CEP170: variants seen among roughly 807,000 people sequenced by gnomAD.
CEP170 encodes the protein centrosomal protein of 170 kDa.
A neutral mutation model predicts 151.9 loss-of-function variants in CEP170; 21 were observed. The observed-to-expected ratio is 0.14, with a 90% CI of 0.10 to 0.20. CEP170 has a LOEUF of 0.20. CEP170 is among the 10% of genes least tolerant of loss of function. CEP170 has a pLI of 1.00. For synonymous variants in CEP170, 356 were observed against 648.8 expected (o/e 0.55, Z 6.86); for missense variants, 964 against 1,892.9 (o/e 0.51, Z 9.11).
At chr1:243,225,983 C>CTATA (rs199652735) in intron 1 of CEP170, among the ~76,000 whole-genome samples, 63 of 142,586 alleles carry the variant, frequency 4.4e-4, no homozygotes, top group Admixed American at 8.9e-4. Context: ...ATCTATCTAT[C>CTATA]TATATATATA....
intron 12 of CEP170, among the ~76,000 whole-genome samples, chr1:243,166,741 T>C (rs1190250320): frequency 6.6e-6 from 1 of 152,120 alleles, no homozygotes; most frequent in Admixed American, 6.6e-5. Flanking sequence ...TTCATATATT[T>C]AATTTTCTAT....
In CEP170 at chr1:243,172,709, A is replaced by G. The variant is rs2058945401; in HGVS notation, c.1704T>C (p.Phe568=). Residue 568 remains phenylalanine, a synonymous_variant, in exon 11 of 20, where the codon TTT becomes TTC. Transcript: ENST00000366542. The stretch of plus-strand genomic sequence containing the variant: ...AAGAGATGTATACCTCTGAGTGGTG[A>G]AATCCAGATGTAGTCAGTGGTTTTC... The part of the protein sequence containing the change: ...EERKPLTTSG[F]HHSEEGTSSS... 1.1e-5 allele frequency: 17 copies of G among 1,592,684 alleles called. No homozygotes were observed. The highest frequency in any genetic ancestry group is 1.3e-5 in the Non-Finnish European group (15 of 1,169,882).
chr1:243,231,447 G>A (rs1378816408), intron 1 of CEP170, among the ~76,000 whole-genome samples: 2 of 152,010 alleles, frequency 1.3e-5, no homozygotes, highest in Non-Finnish European at 2.9e-5. Flanking sequence ...CATATGGTTT[G>A]TAACTTCTGT....
intron 15 of CEP170, among the ~76,000 whole-genome samples, chr1:243,141,610 C>A (rs866164952): frequency 1.3e-5 from 2 of 152,298 alleles, no homozygotes; most frequent in African/African-American, 2.4e-5. Context: ...CAAATCAAAG[C>A]AGCCAACATG....
In CEP170 at chr1:243,164,896, A is replaced by G. The variant is rs780237106; in HGVS notation, c.3064T>C (p.Leu1022=). ...SGRIRQPSVD[L]TDDDQTSSVP... is the part of the protein sequence containing the mutation. ...CTAGAGGTTTGGTCATCATCTGTTA[A>G]GTCTACTGAGGGCTGTCTTATTCTC... is the stretch of plus-strand genomic sequence containing the variant. The change falls in exon 13 of 20, where the codon TTA becomes CTA. Residue 1022 remains leucine, a synonymous_variant. Coordinates refer to ENST00000366542, the MANE Select transcript of CEP170 (RefSeq NM_014812.3). The G allele has an allele frequency of 3.1e-6, 5 of 1,613,848 alleles. No homozygotes were observed. The highest frequency in any genetic ancestry group is 1.1e-5 in the South Asian group (1 of 91,078).
chr1:243,194,442 T>A (rs1378430500), intron 7 of CEP170, among the ~76,000 whole-genome samples: 2 of 151,946 alleles, frequency 1.3e-5, no homozygotes, highest in African/African-American at 4.8e-5. Flanking sequence ...TAAATTATAC[T>A]GAAACTTCTC....
chr1:243,197,243 A>G (rs1301778867), intron 7 of CEP170, among the ~76,000 whole-genome samples: 1 of 152,054 alleles, frequency 6.6e-6, no homozygotes, highest in Non-Finnish European at 1.5e-5. Context: ...GGAAGGGAAC[A>G]CTCAAAATTT....
chr1:243,236,000 C>T (rs1236963774), intron 1 of CEP170, among the ~76,000 whole-genome samples: 1 of 152,192 alleles, frequency 6.6e-6, no homozygotes, highest in Non-Finnish European at 1.5e-5. Flanking sequence ...GTACTACCCT[C>T]ATTAAAGCAT....
rs558989822 is a variant in CEP170 at position 243,185,632 on chromosome 1, T to C, written c.1566+147A>G. The C allele has an allele frequency of 4.6e-6, 5 of 1,077,502 alleles. No homozygotes were observed. The East Asian group carries it at 1.2e-4, about 26-fold the overall frequency. The allele number at this position is 1,077,502 out of a possible 1,614,324, so 66.7% of individuals were successfully genotyped here. A position where few individuals can be genotyped will look rare whatever the true frequency, so the allele number is the denominator to read the frequency against. On this transcript the variant is annotated intron_variant, in intron 10 of 19. Transcript: ENST00000366542. The surrounding 1 kb of genome is among the most constrained non-coding windows in gnomAD (Gnocchi z 4.9). ...AAATCACAAAGCATGTTGGTCTTAC[T>C]GTTAAGTCTTGCAGTTCCCTAACAA...
At chr1:243,127,230 G>A (rs1409576244) in intron 19 of CEP170, among the ~76,000 whole-genome samples, 1 of 152,076 alleles carries the variant, frequency 6.6e-6, no homozygotes, top group Non-Finnish European at 1.5e-5. Context: ...AGAGTGCTAG[G>A]GTTATCAGCT....
chr1:243,236,088 T>G (rs193285234), intron 1 of CEP170, among the ~76,000 whole-genome samples: 101 of 152,372 alleles, frequency 6.6e-4, no homozygotes, highest in African/African-American at 2.3e-3. Context: ...TGCCAGTAAC[T>G]GTGCTAATTG....
intron 15 of CEP170, among the ~76,000 whole-genome samples, chr1:243,141,835 T>C (rs2055869318): frequency 6.6e-6 from 1 of 152,246 alleles, no homozygotes; most frequent in Admixed American, 6.5e-5. Flanking sequence ...TTTTTCAAAA[T>C]ATCTTTATGT....
intron 1 of CEP170, among the ~76,000 whole-genome samples, chr1:243,249,252 C>T (rs2065709309): frequency 6.6e-6 from 1 of 151,746 alleles, no homozygotes; most frequent in South Asian, 2.1e-4. Flanking sequence ...ATAGTGAGAC[C>T]TCATCTCTAC....
chr1:243,224,662 T>C (rs183314405), intron 2 of CEP170, among the ~76,000 whole-genome samples: 2 of 152,324 alleles, frequency 1.3e-5, no homozygotes, highest in East Asian at 3.9e-4. Context: ...AGGATCCATT[T>C]TACTTGGAGT....
At chr1:243,143,296 T>C (rs1180469363) in intron 14 of CEP170, among the ~76,000 whole-genome samples, 1 of 152,148 alleles carries the variant, frequency 6.6e-6, no homozygotes, top group Non-Finnish European at 1.5e-5. Context: ...TCTTTTGAGG[T>C]AGGATTCATC....
chr1:243,133,931 CTAATT>C (rs1369542890), intron 17 of CEP170, among the ~76,000 whole-genome samples: 1 of 152,162 alleles, frequency 6.6e-6, no homozygotes, highest in Non-Finnish European at 1.5e-5. Flanking sequence ...CAGCATTCAA[CTAATT>C]TAATTTCTCT....
intron 4 of CEP170, among the ~76,000 whole-genome samples, chr1:243,210,578 A>G (rs1162975309): frequency 6.8e-6 from 1 of 146,424 alleles, no homozygotes; most frequent in Admixed American, 6.8e-5. Flanking sequence ...TAGATTTAAA[A>G]TTTAAAAAAT....
chr1:243,178,405 G>A (rs1477481832), intron 10 of CEP170, among the ~76,000 whole-genome samples: 13 of 150,398 alleles, frequency 8.6e-5, no homozygotes, highest in South Asian at 2.1e-4. Context: ...GAAAGTAGCC[G>A]GTCACAAAAG....
intron 12 of CEP170, chr1:243,169,421 T>C (rs1388939839): frequency 2.3e-6 from 2 of 874,682 alleles, no homozygotes; most frequent in Non-Finnish European, 3.4e-6. Flanking sequence ...GCCTTTTACT[T>C]ATAAAATGAA....
Sources: allele counts gnomAD v4.1 joint callset (sites outside exome capture counted in the v4.1 genomes callset), GRCh38; gene constraint gnomAD v4.1.1; non-coding constraint Gnocchi (gnomAD v3.1); transcripts MANE v1.5; gene names NCBI Gene and HGNC (gene_info 2026-07-23, HGNC 2026-07-21).